The following RNF38 variants were observed in gnomAD, a reference collection of about 807,000 sequenced individuals.
RNF38 encodes the protein E3 ubiquitin-protein ligase RNF38.
A neutral mutation model predicts 67.2 loss-of-function variants in RNF38; 15 were observed. The ratio of observed to expected loss-of-function variants is 0.22; its 90% CI spans 0.15 to 0.34. The LOEUF is 0.34. Ranked by LOEUF, RNF38 falls within the 10% of genes least tolerant of loss-of-function variation. The pLI, the probability that RNF38 is intolerant of heterozygous loss-of-function variation, is 1.00. For synonymous variants in RNF38, 220 were observed against 218.8 expected (o/e 1.01, Z -0.05); for missense variants, 524 against 639.9 (o/e 0.82, Z 1.95).
intron 1 of RNF38, among the ~76,000 whole-genome samples, chr9:36,471,650 C>T (rs916611087): frequency 2.6e-5 from 4 of 152,220 alleles, no homozygotes; most frequent in Admixed American, 1.3e-4. Flanking sequence ...CAAAACAAAA[C>T]TCACCCTGTC....
intron 4 of RNF38, among the ~76,000 whole-genome samples, chr9:36,362,331 C>T (rs1834612682): frequency 6.6e-6 from 1 of 151,386 alleles, no homozygotes; most frequent in Non-Finnish European, 1.5e-5. Flanking sequence ...GCACTCCAGC[C>T]TAGGCAACAA....
At chr9:36,383,486 G>A (rs1213651479) in intron 2 of RNF38, among the ~76,000 whole-genome samples, 1 of 152,086 alleles carries the variant, frequency 6.6e-6, no homozygotes, top group Non-Finnish European at 1.5e-5. Flanking sequence ...CACCACGGCC[G>A]GCCTAAATGT....
chr9:36,430,570 G>A lies in RNF38; in HGVS notation n.242-5887C>T, dbSNP rs564350451. On this transcript the variant is annotated intron_variant and non_coding_transcript_variant, in intron 1 of 3. Coordinates refer to the RNF38 transcript ENST00000488058. ...GTAGTTAATGAAGGAGATAAAAGAA[G>A]AGAAAGAGCCAGAGGAAAGAAAGAA... Among the ~76,000 whole-genome samples, 31 of 152,162 alleles carry A rather than the reference G, an allele frequency of 2.0e-4. No individual in the cohort carries two copies. In the South Asian group the frequency reaches 6.2e-3, roughly 31 times the overall value.
In RNF38 at chr9:36,481,935, G is replaced by A. The variant is rs190016047; in HGVS notation, n.241+5373C>T. 9.2e-5 allele frequency among the ~76,000 whole-genome samples: 14 copies of A among 152,136 alleles called. No individual in the cohort carries two copies. The East Asian group carries it at 2.5e-3, about 27-fold the overall frequency. The stretch of plus-strand genomic sequence containing the variant: ...AGGAATGCTAGTGCAGGGGGAAATA[G>A]GAAGAGAAAAATAACTGCATTTACC... On this transcript the variant is annotated intron_variant and non_coding_transcript_variant, in intron 1 of 3. Coordinates refer to the RNF38 transcript ENST00000488058.
intron 9 of RNF38, 136 bp from the exon 10 acceptor site, chr9:36,345,089 G>T: frequency 2.4e-6 from 2 of 834,084 alleles, no homozygotes; most frequent in Non-Finnish European, 3.5e-6. Context: ...TGATCATTGT[G>T]CACTGTGGCC....
intron 2 of RNF38, among the ~76,000 whole-genome samples, chr9:36,383,972 A>G (rs1836404218): frequency 6.6e-6 from 1 of 152,188 alleles, no homozygotes; most frequent in Admixed American, 6.5e-5. Context: ...ACCAAAACAC[A>G]GGAACTATAA....
intron 1 of RNF38, among the ~76,000 whole-genome samples, chr9:36,441,514 G>A (rs748371678): frequency 7.2e-5 from 11 of 151,916 alleles, no homozygotes; most frequent in Non-Finnish European, 1.3e-4. Context: ...TTAGTAGAGC[G>A]GGGTTTCACC....
At chr9:36,430,562 TAAAA>T (rs1838906261) in intron 1 of RNF38, among the ~76,000 whole-genome samples, 1 of 151,740 alleles carries the variant, frequency 6.6e-6, no homozygotes, top group Admixed American at 6.6e-5. Flanking sequence ...ATGAAGGAGA[TAAAA>T]GAAGAGAAAG....
At chr9:36,389,256 T>C (rs1411909723) in intron 2 of RNF38, among the ~76,000 whole-genome samples, 1 of 151,826 alleles carries the variant, frequency 6.6e-6, no homozygotes, top group Admixed American at 6.6e-5. Flanking sequence ...TGAATTTAAA[T>C]CTACTGCATT....
intron 6 of RNF38, among the ~76,000 whole-genome samples, chr9:36,355,024 C>A (rs1318015020): frequency 6.6e-6 from 1 of 152,120 alleles, no homozygotes; most frequent in Non-Finnish European, 1.5e-5. Flanking sequence ...CTTGAATTCC[C>A]AGATACTGGA....
chr9:36,484,973 T>A (rs2134466597), intron 1 of RNF38, among the ~76,000 whole-genome samples: 1 of 152,186 alleles, frequency 6.6e-6, no homozygotes, highest in East Asian at 1.9e-4. Context: ...GAGACCATCC[T>A]GGCTAACACG....
At chr9:36,399,775 A>T (rs918195796) in intron 1 of RNF38, among the ~76,000 whole-genome samples, 9 of 151,926 alleles carry the variant, frequency 5.9e-5, no homozygotes, top group African/African-American at 4.8e-5. Context: ...ATAAAAGGGA[A>T]TTTTTTTTAA....
intron 9 of RNF38, among the ~76,000 whole-genome samples, chr9:36,347,944 C>T (rs554468045): frequency 2.0e-5 from 3 of 152,154 alleles, no homozygotes; most frequent in South Asian, 4.2e-4. Context: ...GTCATGGTGG[C>T]GGGCGCCTGT....
intron 10 of RNF38, among the ~76,000 whole-genome samples, chr9:36,343,601 A>C (rs1833005976): frequency 6.6e-6 from 1 of 152,172 alleles, no homozygotes; most frequent in Admixed American, 6.5e-5. Flanking sequence ...AAAAATAGAC[A>C]ATATAGAGTG....
chr9:36,444,004 A>G (rs2134309244), intron 1 of RNF38, among the ~76,000 whole-genome samples: 1 of 152,352 alleles, frequency 6.6e-6, no homozygotes, highest in East Asian at 1.9e-4. Flanking sequence ...TCACTGCCAC[A>G]GGAAAATGGA....
At chr9:36,472,298 C>T (rs1350531228) in intron 1 of RNF38, among the ~76,000 whole-genome samples, 1 of 152,142 alleles carries the variant, frequency 6.6e-6, no homozygotes, top group Non-Finnish European at 1.5e-5. Context: ...CAATGTCTTC[C>T]TCCTATGAAT....
intron 2 of RNF38, among the ~76,000 whole-genome samples, chr9:36,407,894 T>A (rs1176734390): frequency 2.6e-5 from 4 of 152,130 alleles, no homozygotes; most frequent in Middle Eastern, 3.4e-3. Context: ...CATCTCTGTA[T>A]TTTTTTTAAA....
intron 1 of RNF38, among the ~76,000 whole-genome samples, chr9:36,461,634 G>T (rs763098731): frequency 1.6e-4 from 24 of 152,142 alleles, no homozygotes; most frequent in Non-Finnish European, 3.1e-4. Context: ...TGGCAGTTCA[G>T]GGGGAGAGAT....
intron 4 of RNF38, among the ~76,000 whole-genome samples, chr9:36,365,205 G>A (rs1410180576): frequency 7.2e-6 from 1 of 138,028 alleles, no homozygotes; most frequent in Non-Finnish European, 1.5e-5. Context: ...ATTCTATTAT[G>A]TGCCGCTTTT....
Sources: allele counts gnomAD v4.1 joint callset (sites outside exome capture counted in the v4.1 genomes callset), GRCh38; gene constraint gnomAD v4.1.1; transcripts MANE v1.5; gene names NCBI Gene and HGNC (gene_info 2026-07-23, HGNC 2026-07-21).